Variants in SPAG17 observed in about 807,000 individuals in gnomAD.
SPAG17 encodes sperm-associated antigen 17.
Under a neutral mutation model 273.6 loss-of-function variants are expected in SPAG17, and 169 were observed. The observed-to-expected ratio is 0.62, with a 90% CI of 0.55 to 0.70. The LOEUF is 0.70. Ranked by LOEUF, SPAG17 falls within the 30% of genes least tolerant of loss-of-function variation. The pLI is 0.00. For missense variants in SPAG17, 2,557 were observed against 2,627.8 expected (o/e 0.97, Z 0.59); for synonymous variants, 825 against 873.2 (o/e 0.94, Z 0.97).
At position 118,175,239 on chromosome 1, in the gene SPAG17, A is replaced by G. The variant is rs150472265; in HGVS notation, c.87+9832T>C. Among the ~76,000 whole-genome samples the G allele has an allele frequency of 1.3e-5, 2 of 152,150 alleles. 1 individual carries two copies. Among genetic ancestry groups the G allele is most frequent in the Non-Finnish European group, 2.9e-5 (2 of 68,032 alleles). ...GAAACGGGGTTTCACCATGTTGCCC[A>G]GACTGGTCTTGAACCCCTGACCTCA... is the stretch of plus-strand genomic sequence containing the variant. On this transcript the variant is annotated intron_variant, in intron 1 of 48. Transcript: ENST00000336338.
In SPAG17 at chr1:117,984,690, T is replaced by A. The variant is rs1212050277; in HGVS notation, c.5762A>T (p.Gln1921Leu). The change falls in exon 41 of 49, where the codon CAG (glutamine) becomes CTG (leucine). Residue 1921 changes from glutamine (Q) to leucine (L), a missense_variant. Physicochemically the swap from Gln to Leu is moderately radical, Grantham distance 113. Coordinates refer to ENST00000336338, the MANE Select transcript of SPAG17 (RefSeq NM_206996.4). ...TTCATTATATTCAATTACCTGAGACTGATATAACTGGTTCAATTCAGATTT... is the reference window on the plus strand; with the variant it reads ...TTCATTATATTCAATTACCTGAGACAGATATAACTGGTTCAATTCAGATTT... ...FFKSELNQLY[Q>L]SQYNHLDSLS... 1 of 1,586,838 alleles carries A rather than the reference T, an allele frequency of 6.3e-7. No homozygotes were observed. Among genetic ancestry groups the A allele is most frequent in the Non-Finnish European group, 8.6e-7 (1 of 1,157,474 alleles).
rs758130138 is a variant in SPAG17 at position 118,097,842 on chromosome 1, G to T, written c.839C>A (p.Ala280Glu). The T allele has an allele frequency of 1.9e-5, 30 of 1,582,084 alleles. No individual in the cohort carries two copies. The highest frequency in any genetic ancestry group is 2.1e-5 in the Non-Finnish European group (24 of 1,167,936). ...EVLLQSEDLE[A>E]EKLKKENAIK... Reference sequence around the variant, plus strand: ...GGCATTTTCTTTCTTCAATTTTTCTGCTTCTAGATCTAATAATAGCAACAT... The same window carrying T: ...GGCATTTTCTTTCTTCAATTTTTCTTCTTCTAGATCTAATAATAGCAACAT... The change falls in exon 7 of 49, where the codon GCA becomes GAA. Residue 280 changes from alanine to glutamate, a missense_variant. Ala to Glu is a moderately radical substitution (Grantham distance 107). Coordinates refer to ENST00000336338, the MANE Select transcript of SPAG17 (RefSeq NM_206996.4).
chr1:118,115,578 AAGTT>A (rs1396672618), intron 3 of SPAG17, 137 bp from the exon 4 acceptor site: 2 of 879,774 alleles, frequency 2.3e-6, no homozygotes, highest in Non-Finnish European at 3.3e-6. Context: ...TGAAAAAAAA[AAGTT>A]AGGGAAAAAA....
chr1:117,995,184 TA>T (rs1442866220), intron 34 of SPAG17, among the ~76,000 whole-genome samples: 1 of 152,150 alleles, frequency 6.6e-6, no homozygotes, highest in African/African-American at 2.4e-5. Flanking sequence ...AACCATTACC[TA>T]CCCACTAGCT....
intron 43 of SPAG17, among the ~76,000 whole-genome samples, chr1:117,979,140 A>G (rs1052976938): frequency 2.0e-5 from 3 of 152,104 alleles, no homozygotes; most frequent in Admixed American, 6.5e-5. Context: ...AAGTGCTGGG[A>G]TTACAGGCAT....
At chr1:118,025,746 C>A (rs1175340618) in intron 26 of SPAG17, among the ~76,000 whole-genome samples, 1 of 152,148 alleles carries the variant, frequency 6.6e-6, no homozygotes, top group Non-Finnish European at 1.5e-5. Context: ...CCCACCTCAG[C>A]CTTCCAAAGT....
At chr1:117,977,062 C>T (rs987362127) in intron 43 of SPAG17, among the ~76,000 whole-genome samples, 3 of 151,864 alleles carry the variant, frequency 2.0e-5, no homozygotes, top group Admixed American at 6.6e-5. Flanking sequence ...GTAATTCCAG[C>T]ACTTTGGGAG....
At chr1:117,967,312 A>T (rs1653987436) in intron 46 of SPAG17, among the ~76,000 whole-genome samples, 1 of 151,722 alleles carries the variant, frequency 6.6e-6, no homozygotes, top group African/African-American at 2.4e-5. Context: ...AAAAAAAAAA[A>T]AAAAAAATTC....
chr1:118,123,467 T>C (rs1657531984), intron 3 of SPAG17, among the ~76,000 whole-genome samples: 7 of 152,316 alleles, frequency 4.6e-5, no homozygotes. Context: ...TATTAAACTG[T>C]CTATACATAA....
chr1:118,108,432 T>C (rs1042016048), intron 4 of SPAG17, among the ~76,000 whole-genome samples: 1 of 152,178 alleles, frequency 6.6e-6, no homozygotes, highest in Non-Finnish European at 1.5e-5. Context: ...GTTAACCAGA[T>C]CAGGCGCATT....
intron 21 of SPAG17, among the ~76,000 whole-genome samples, 168 bp from the exon 22 acceptor site, chr1:118,041,009 T>C (rs1255086699): frequency 6.6e-6 from 1 of 152,184 alleles, no homozygotes; most frequent in African/African-American, 2.4e-5. Context: ...GAAACATCTA[T>C]GGTGTTATAA....
chr1:117,955,369 C>A (rs1652041080), intron 48 of SPAG17: 1 of 1,610,658 alleles, frequency 6.2e-7, no homozygotes, highest in South Asian at 1.1e-5. Flanking sequence ...GTGAGTGAGT[C>A]CTTGCGCACA....
chr1:118,160,217 G>A (rs1659846962), intron 1 of SPAG17, among the ~76,000 whole-genome samples: 1 of 152,100 alleles, frequency 6.6e-6, no homozygotes, highest in South Asian at 2.1e-4. Flanking sequence ...CCTCAAGCAC[G>A]AGACCTTCTT....
At chr1:117,959,176 A>G in intron 48 of SPAG17, 18 of 1,393,964 alleles carry the variant, frequency 1.3e-5, no homozygotes, top group Non-Finnish European at 1.7e-5. Context: ...AAAAGTTCTT[A>G]ATGAGGGAAA....
intron 17 of SPAG17, among the ~76,000 whole-genome samples, chr1:118,068,063 T>G (rs914987334): frequency 9.9e-5 from 15 of 152,006 alleles, no homozygotes; most frequent in African/African-American, 2.9e-4. Context: ...GCTGTGGGCT[T>G]TCGTTTTTGT....
chr1:118,048,155 G>A (rs1269544211), intron 20 of SPAG17, among the ~76,000 whole-genome samples: 1 of 152,170 alleles, frequency 6.6e-6, no homozygotes, highest in African/African-American at 2.4e-5. Context: ...ATGGACTCAG[G>A]CTCCATGCCC....
At position 117,983,837 on chromosome 1, in the gene SPAG17, A is replaced by G. The variant is rs1440414707; in HGVS notation, c.5846T>C (p.Val1949Ala). The change falls in exon 42 of 49, where the codon GTT becomes GCT. Residue 1949 changes from valine to alanine, a missense_variant. Coordinates refer to ENST00000336338, the MANE Select transcript of SPAG17 (RefSeq NM_206996.4). ...KKNEDANETA[V>A]QDTSDLNLDF... ...TAGATTAAGATCAGATGTATCTTGA[A>G]CAGCTGTTTCGTTTGCATCTTCATT... 1.7e-5 allele frequency: 28 copies of G among 1,612,446 alleles called. No individual in the cohort carries two copies. The highest frequency in any genetic ancestry group is 2.4e-5 in the Non-Finnish European group (28 of 1,178,982).
rs146271814 is a variant in SPAG17, at chr1:118,031,621, A to G, written c.3609+71T>C. The G allele has an allele frequency of 8.3e-4, 1,219 of 1,469,858 alleles. 12 individuals are homozygous for G. The African/African-American group carries it at 0.015, about 19-fold the overall frequency. 91.1% of individuals were successfully genotyped at this position (1,469,858 alleles called of 1,614,324 possible). The stretch of plus-strand genomic sequence containing the variant: ...GCACTATAATAACACTATTGACATA[A>G]GTCATGGTTTTAAAAAAGTTAACAC... On this transcript the variant is annotated intron_variant, in intron 25 of 48. Coordinates refer to ENST00000336338, the MANE Select transcript of SPAG17 (RefSeq NM_206996.4).
chr1:118,084,607 A>G (rs370104446), intron 13 of SPAG17, among the ~76,000 whole-genome samples: 6 of 152,358 alleles, frequency 3.9e-5, no homozygotes, highest in Admixed American at 2.0e-4. Flanking sequence ...TCCTGCTGTG[A>G]GAAGCTGTTA....
Sources: gnomAD v4.1 joint callset for allele counts (sites outside exome capture counted in the v4.1 genomes callset) on GRCh38, gnomAD v4.1.1 for gene constraint, MANE v1.5 for transcripts, NCBI Gene and HGNC (gene_info 2026-07-23, HGNC 2026-07-21) for gene names.